The following NPTX1 variants were observed in gnomAD, a reference collection of about 807,000 sequenced individuals.
The protein encoded by NPTX1 is neuronal pentraxin 1, also known as neuronal pentraxin-1.
In NPTX1, 12 loss-of-function variants were observed where a neutral mutation model predicts 38.7. The ratio of observed to expected loss-of-function variants is 0.31; its 90% confidence interval spans 0.20 to 0.50. The LOEUF (loss-of-function observed/expected upper bound fraction) is 0.50. Ranked by LOEUF, NPTX1 falls within the 20% of genes least tolerant of loss-of-function variation. NPTX1 has a pLI of 0.98. For synonymous variants in NPTX1, 272 were observed against 264.9 expected, an observed-to-expected ratio of 1.03 and a Z score of -0.26; for missense variants, 454 against 592.2, an observed-to-expected ratio of 0.77 and a Z score of 2.42.
chr17:80,472,067 C>T (rs907174102), intron 3 of NPTX1, among the ~76,000 whole-genome samples, 156 bp from the exon 4 acceptor site: 3 of 152,244 alleles, frequency 2.0e-5, no homozygotes, highest in African/African-American at 4.8e-5. Context: ...CAGACTTCAG[C>T]GTCTGTCAGC....
rs145717456 is a variant in NPTX1 at position 80,473,251 on chromosome 17, C to A, written c.846G>T (p.Leu282=). The A allele has an allele frequency of 3.1e-6, 5 of 1,613,684 alleles. No individual in the cohort carries two copies. The highest frequency in any genetic ancestry group is 3.4e-6 in the Non-Finnish European group (4 of 1,180,032). ...GGTTGTTGCCCCACTCAATGAGGAC[C>A]AGCTCGTTGGCCTGGCCGGGCACAG... is the stretch of plus-strand genomic sequence containing the variant. The part of the protein sequence containing the change: ...SYAVPGQANE[L]VLIEWGNNPM... Residue 282 remains leucine (L), a synonymous_variant, in exon 3 of 5, where the codon CTG becomes CTT. Coordinates refer to ENST00000306773, the MANE Select transcript of NPTX1 (RefSeq NM_002522.4).
chr17:80,475,942 G>T lies in NPTX1; in HGVS notation c.444+61C>A, dbSNP rs1461198975. On this transcript the variant is annotated intron_variant, in intron 1 of 4. Transcript: ENST00000306773. The surrounding 1 kb of genome is among the most constrained non-coding windows in gnomAD (Gnocchi z 6.5). The stretch of plus-strand genomic sequence containing the variant: ...TGCCTGGCCGGGTAGGGAACGGGGT[G>T]GGGGAGGGCAGAGGGGCGAGCGAGC... The T allele has an allele frequency of 7.2e-7, 1 of 1,392,280 alleles. No homozygotes were observed. Among genetic ancestry groups the T allele is most frequent in the Non-Finnish European group, 1.0e-6 (1 of 997,292 alleles). 86.2% of individuals were successfully genotyped at this position (1,392,280 alleles called of 1,614,324 possible). A position where few individuals can be genotyped will look rare whatever the true frequency, so the allele number is the denominator to read the frequency against.
At chr17:80,472,155 G>A (rs73432810) in intron 3 of NPTX1, among the ~76,000 whole-genome samples, 6 of 152,204 alleles carry the variant, frequency 3.9e-5, no homozygotes, top group Admixed American at 3.9e-4. Context: ...CCATGTGGGT[G>A]TGCAGTCTCT....
In NPTX1 at chr17:80,471,954, T is replaced by C. The variant is rs554589085; in HGVS notation, c.898-43A>G. 81 of 1,549,194 alleles carry C rather than the reference T, an allele frequency of 5.2e-5. No homozygotes were observed. In the Middle Eastern group the frequency reaches 6.9e-4, roughly 13 times the overall value. ...AGACGCCAGCTGGTGAGTACAGGGG[T>C]ACAGCCCAGAAGCCATAATCTTCAC... On this transcript the variant is annotated intron_variant, in intron 3 of 4. Transcript: ENST00000306773.
At position 80,475,458 on chromosome 17, in the gene NPTX1, G is replaced by GGCGGGATCGGGACCGAGGCAT. The variant is rs770016965; in HGVS notation, c.652+52_652+53insATGCCTCGGTCCCGATCCCGC. 3.4e-6 allele frequency: 5 copies of GGCGGGATCGGGACCGAGGCAT among 1,465,422 alleles called. No homozygotes were observed. The East Asian group carries it at 1.1e-4, about 34-fold the overall frequency. The allele number at this position is 1,465,422 out of a possible 1,614,324, so 90.8% of individuals were successfully genotyped here. On this transcript the variant is annotated intron_variant, in intron 2 of 4. Transcript: ENST00000306773. This position sits in a 1 kb window ranked among gnomAD's most constrained non-coding sequence, Gnocchi z 6.5. ...GCTGTTAGGGATCGGGACCGAGGCAGGGTCGGGCAAGCAGGTGCAGGCAGG... is the reference window on the plus strand; with the variant it reads ...GCTGTTAGGGATCGGGACCGAGGCAGGCGGGATCGGGACCGAGGCATGGTCGGGCAAGCAGGTGCAGGCAGG...
rs374825812 is a variant in NPTX1, at chr17:80,475,817, G to T, written c.445-99C>A. On this transcript the variant is annotated intron_variant, in intron 1 of 4. Coordinates refer to ENST00000306773, the MANE Select transcript of NPTX1 (RefSeq NM_002522.4). This position sits in a 1 kb window ranked among gnomAD's most constrained non-coding sequence, Gnocchi z 6.5. The stretch of plus-strand genomic sequence containing the variant: ...CGGTCCCCTCTGGGCGACTGCGGGG[G>T]CGGCCTGGCAGGGAGCTGGGGCGAG... 1,650 of 1,032,932 alleles carry T rather than the reference G, an allele frequency of 1.6e-3. 18 individuals are homozygous for T. In the African/African-American group the frequency reaches 0.024, roughly 15 times the overall value. The allele number at this position is 1,032,932 out of a possible 1,614,324, so 64.0% of individuals were successfully genotyped here.
In NPTX1 at chr17:80,471,005, G is replaced by A. The variant is rs370005144; in HGVS notation, c.1107C>T (p.Thr369=). The change falls in exon 5 of 5, where the codon ACC becomes ACT. Residue 369 remains threonine, a synonymous_variant. Coordinates refer to ENST00000306773, the MANE Select transcript of NPTX1 (RefSeq NM_002522.4). ...QDTLGGGFDA[T]QAFVGELAHF... ...GGGCCAGCTCACCCACAAATGCCTG[G>A]GTGGCATCAAACCCACCACCCAGAG... 1 of 1,610,332 alleles carries A rather than the reference G, an allele frequency of 6.2e-7. No individual in the cohort carries two copies. The highest frequency in any genetic ancestry group is 1.3e-5 in the African/African-American group (1 of 74,856).
Position 80,475,660 on chromosome 17 carries a change from C to G in NPTX1, c.503G>C (p.Ser168Thr), listed in dbSNP as rs1265297749. ...CTGCCTCTCCAGCTCATCGATCTTG[C>G]TCTGCAGCAGATCCTTGAGGCTGTT... ...QTNSLKDLLQ[S>T]KIDELERQVL... Residue 168 changes from serine to threonine, a missense_variant, in exon 2 of 5, where the codon AGC becomes ACC. By Grantham distance (58) the Ser-to-Thr change is moderately conservative (BLOSUM62 1). Around this residue, in one of 4 missense-constraint regions of NPTX1, gnomAD observed 288 missense variants for 318.4 expected, o/e 0.90. Transcript: ENST00000306773. This position sits in a 1 kb window ranked among gnomAD's most constrained non-coding sequence, Gnocchi z 6.5. The G allele has an allele frequency of 1.2e-6, 2 of 1,613,080 alleles. No individual in the cohort carries two copies. Among genetic ancestry groups the G allele is most frequent in the Non-Finnish European group, 1.7e-6 (2 of 1,179,812 alleles).
Position 80,471,128 on chromosome 17 carries a change from C to A in NPTX1, c.1078-94G>T, listed in dbSNP as rs901661744. 6 of 966,952 alleles carry A rather than the reference C, an allele frequency of 6.2e-6. No homozygotes were observed. The East Asian group carries it at 1.6e-4, about 25-fold the overall frequency. 59.9% of individuals were successfully genotyped at this position (966,952 alleles called of 1,614,324 possible). Reference sequence around the variant, plus strand: ...GGGATCTGAGTGCCTCTGTGCCTGCCCGATCACGGACTCTCACGGACACTC... The same window carrying A: ...GGGATCTGAGTGCCTCTGTGCCTGCACGATCACGGACTCTCACGGACACTC... On this transcript the variant is annotated intron_variant, in intron 4 of 4. Coordinates refer to ENST00000306773, the MANE Select transcript of NPTX1 (RefSeq NM_002522.4).
In NPTX1 at chr17:80,476,260, C is replaced by G. The variant is rs747838744; in HGVS notation, c.187G>C (p.Glu63Gln). 2.6e-6 allele frequency: 4 copies of G among 1,555,734 alleles called. No individual in the cohort carries two copies. The highest frequency in any genetic ancestry group is 3.4e-6 in the Non-Finnish European group (4 of 1,159,868). ...GTCTCCTTCTGCTGCAGCACCGTCT[C>G]GCGGAGCTGCAGCACGCTGCTCCGG... ...ELRSSVLQLR[E>Q]TVLQQKETIL... Residue 63 changes from glutamate (E) to glutamine (Q), a missense_variant, in exon 1 of 5, where the codon GAG (glutamate) becomes CAG (glutamine). Physicochemically the swap from Glu to Gln is conservative, Grantham distance 29. Around this residue, in one of 4 missense-constraint regions of NPTX1, gnomAD observed 288 missense variants for 318.4 expected, o/e 0.90. Coordinates refer to ENST00000306773, the MANE Select transcript of NPTX1 (RefSeq NM_002522.4). This position sits in a 1 kb window ranked among gnomAD's most constrained non-coding sequence, Gnocchi z 6.3.
rs146790380 is a variant in NPTX1 at position 80,473,233 on chromosome 17, G to A, written c.864C>T (p.Gly288=). 180 of 1,613,434 alleles carry A rather than the reference G, an allele frequency of 1.1e-4. No individual in the cohort carries two copies. Among genetic ancestry groups the A allele is most frequent in the Middle Eastern group, 6.6e-4 (4 of 6,084 alleles). ...TGATGAGGATCTCCATGGGGTTGTT[G>A]CCCCACTCAATGAGGACCAGCTCGT... ...QANELVLIEW[G]NNPMEILIND... is the part of the protein sequence containing the mutation. Residue 288 remains glycine (G), a synonymous_variant, in exon 3 of 5, where the codon GGC becomes GGT. Transcript: ENST00000306773.
Position 80,470,172 on chromosome 17 carries a change from T to G in NPTX1, c.*641A>C, listed in dbSNP as rs2083831214. 1 of 152,264 alleles carries G rather than the reference T, an allele frequency of 6.6e-6. No homozygotes were observed. The highest frequency in any genetic ancestry group is 1.5e-5 in the Non-Finnish European group (1 of 68,070). The allele number at this position is 152,264 out of a possible 1,614,324, so 9.4% of individuals were successfully genotyped here. On this transcript the variant is annotated 3_prime_UTR_variant, in exon 5 of 5. Coordinates refer to ENST00000306773, the MANE Select transcript of NPTX1 (RefSeq NM_002522.4). ...CACAGGGTACCATCCCAGGACGGCCTGCCTTCACCCTTCAGAGACAGTTCA... is the reference window on the plus strand; with the variant it reads ...CACAGGGTACCATCCCAGGACGGCCGGCCTTCACCCTTCAGAGACAGTTCA...
intron 4 of NPTX1, 22 bp from the exon 5 acceptor site, chr17:80,471,056 G>A: frequency 6.4e-7 from 1 of 1,559,384 alleles, no homozygotes; most frequent in Non-Finnish European, 8.7e-7. Flanking sequence ...AACAGAGGAT[G>A]AGAGTGGAGG....
At position 80,475,728 on chromosome 17, in the gene NPTX1, G is replaced by A; in HGVS notation, c.445-10C>T. ...TGAGGCGGCTGTACTGCTGCGGGGT[G>A]CAAGGGCGGGGGAAACCACACCGTT... is the stretch of plus-strand genomic sequence containing the variant. On this transcript the variant is annotated splice_polypyrimidine_tract_variant and intron_variant, in intron 1 of 4. Transcript: ENST00000306773. This position sits in a 1 kb window ranked among gnomAD's most constrained non-coding sequence, Gnocchi z 6.5. 6.3e-7 allele frequency: 1 copy of A among 1,596,814 alleles called. No individual in the cohort carries two copies. Among genetic ancestry groups the A allele is most frequent in the Non-Finnish European group, 8.6e-7 (1 of 1,169,178 alleles).
At position 80,470,807 on chromosome 17, in the gene NPTX1, C is replaced by T. The variant is rs753948110; in HGVS notation, c.*6G>A. 5.1e-6 allele frequency: 8 copies of T among 1,559,224 alleles called. No homozygotes were observed. Among genetic ancestry groups the T allele is most frequent in the Non-Finnish European group, 5.2e-6 (6 of 1,150,598 alleles). On this transcript the variant is annotated 3_prime_UTR_variant, in exon 5 of 5. Transcript: ENST00000306773. ...GGGCGGGCGGGCTCAGCCTGGCCTG[C>T]CGTGCTCAGTTGATCTGGCGACAGG...
chr17:80,469,665 C>T lies in NPTX1; in HGVS notation c.*1148G>A, dbSNP rs942579369. Reference sequence around the variant, plus strand: ...ACCCCTGGAGGGGTCTGAACCAGCTCACCTGGCGCCTGGTGTGCTGGGAGG... The same window carrying T: ...ACCCCTGGAGGGGTCTGAACCAGCTTACCTGGCGCCTGGTGTGCTGGGAGG... On this transcript the variant is annotated 3_prime_UTR_variant, in exon 5 of 5. Coordinates refer to ENST00000306773, the MANE Select transcript of NPTX1 (RefSeq NM_002522.4). 3 of 152,266 alleles carry T rather than the reference C, an allele frequency of 2.0e-5. No homozygotes were observed. Among genetic ancestry groups the T allele is most frequent in the African/African-American group, 7.2e-5 (3 of 41,468 alleles). The allele number at this position is 152,266 out of a possible 1,614,324, so 9.4% of individuals were successfully genotyped here. A position where few individuals can be genotyped will look rare whatever the true frequency, so the allele number is the denominator to read the frequency against.
chr17:80,471,015 A>C lies in NPTX1; in HGVS notation c.1097T>G (p.Phe366Cys). ...GQEQDTLGGG[F>C]DATQAFVGEL... The stretch of plus-strand genomic sequence containing the variant: ...ACCCACAAATGCCTGGGTGGCATCA[A>C]ACCCACCACCCAGAGTGTCCTTCAG... The change falls in exon 5 of 5, where the codon TTT (phenylalanine) becomes TGT (cysteine). Residue 366 changes from phenylalanine (F) to cysteine (C), a missense_variant. Phe to Cys is a radical substitution (Grantham distance 205, BLOSUM62 -2). Around this residue, in one of 4 missense-constraint regions of NPTX1, gnomAD observed 110 missense variants for 197.5 expected, o/e 0.56. Transcript: ENST00000306773. 6.2e-7 allele frequency: 1 copy of C among 1,608,282 alleles called. No individual in the cohort carries two copies. The highest frequency in any genetic ancestry group is 8.5e-7 in the Non-Finnish European group (1 of 1,175,800).
chr17:80,469,317 G>A lies in NPTX1; in HGVS notation c.*1496C>T, dbSNP rs1347924862. 6.6e-6 allele frequency: 1 copy of A among 152,220 alleles called. No individual in the cohort carries two copies. Among genetic ancestry groups the A allele is most frequent in the Admixed American group, 6.5e-5 (1 of 15,278 alleles). 9.4% of individuals were successfully genotyped at this position (152,220 alleles called of 1,614,324 possible). A position where few individuals can be genotyped will look rare whatever the true frequency, so the allele number is the denominator to read the frequency against. Reference sequence around the variant, plus strand: ...TGCGACCACCAGATGGTGCAAAGCAGGAAGCTCCTCCTACCCTGGGCAGGG... The same window carrying A: ...TGCGACCACCAGATGGTGCAAAGCAAGAAGCTCCTCCTACCCTGGGCAGGG... On this transcript the variant is annotated 3_prime_UTR_variant, in exon 5 of 5. Coordinates refer to ENST00000306773, the MANE Select transcript of NPTX1 (RefSeq NM_002522.4).
At position 80,470,845 on chromosome 17, in the gene NPTX1, A is replaced by G. The variant is rs772261045; in HGVS notation, c.1267T>C (p.Trp423Arg). 6.2e-7 allele frequency: 1 copy of G among 1,604,090 alleles called. No individual in the cohort carries two copies. Among genetic ancestry groups the G allele is most frequent in the Non-Finnish European group, 8.5e-7 (1 of 1,172,220 alleles). ...HIEIYGGATK[W>R]TFEACRQIN is the part of the protein sequence containing the mutation. ...ATCTGGCGACAGGCCTCGAAGGTCC[A>G]CTTGGTGGCCCCTCCGTAGATCTCG... Residue 423 changes from tryptophan (W) to arginine (R), a missense_variant, in exon 5 of 5, where the codon TGG becomes CGG. Transcript: ENST00000306773.
Sources: allele counts gnomAD v4.1 joint callset (sites outside exome capture counted in the v4.1 genomes callset), GRCh38; gene constraint gnomAD v4.1.1; regional missense constraint gnomAD v4.1.1; non-coding constraint Gnocchi (gnomAD v3.1); transcripts MANE v1.5; gene names NCBI Gene and HGNC (gene_info 2026-07-23, HGNC 2026-07-21).